MMP16: variants seen among roughly 807,000 people sequenced by gnomAD.
MMP16 encodes matrix metalloproteinase-16.
Under a neutral mutation model 67.8 loss-of-function variants are expected in MMP16, and 12 were observed. That is an observed-to-expected ratio of 0.18 (90% CI 0.11 to 0.29). MMP16 has a LOEUF of 0.29. Among genes scored for constraint, MMP16 ranks in the 10% least tolerant of loss-of-function variants. The probability of loss-of-function intolerance (pLI) is 1.00; values close to 1 mark genes in which losing one functional copy is unlikely to be tolerated. For synonymous variants in MMP16, 249 were observed against 255.9 expected (o/e 0.97, Z 0.26); for missense variants, 475 against 765.7 (o/e 0.62, Z 4.48).
intron 1 of MMP16, among the ~76,000 whole-genome samples, chr8:88,205,328 A>G (rs1809409059): frequency 6.6e-6 from 1 of 152,140 alleles, no homozygotes; most frequent in African/African-American, 2.4e-5. Context: ...TGTATGCTGG[A>G]AAGCCTAGGA....
At chr8:88,298,436 T>A (rs1811044997) in intron 1 of MMP16, among the ~76,000 whole-genome samples, 1 of 152,140 alleles carries the variant, frequency 6.6e-6, no homozygotes, top group Non-Finnish European at 1.5e-5. Flanking sequence ...ATGGAAAACA[T>A]GTGGGATTGC....
At chr8:88,258,276 G>T (rs1255554144) in intron 1 of MMP16, among the ~76,000 whole-genome samples, 1 of 152,130 alleles carries the variant, frequency 6.6e-6, no homozygotes, top group Admixed American at 6.5e-5. Flanking sequence ...CAGCCTTCAA[G>T]AAGAAAGATG....
At chr8:88,285,138 T>G (rs553940051) in intron 1 of MMP16, among the ~76,000 whole-genome samples, 1 of 152,072 alleles carries the variant, frequency 6.6e-6, no homozygotes, top group Non-Finnish European at 1.5e-5. Flanking sequence ...GTTTTTGTTG[T>G]TGTTGTTGTT....
At chr8:88,157,745 G>A (rs200805119) in intron 4 of MMP16, among the ~76,000 whole-genome samples, 3 of 151,882 alleles carry the variant, frequency 2.0e-5, no homozygotes, top group South Asian at 4.1e-4. Flanking sequence ...ATAGGTATAC[G>A]TGTGCCATGT....
intron 1 of MMP16, among the ~76,000 whole-genome samples, chr8:88,283,888 C>T (rs1452654853): frequency 1.3e-5 from 2 of 152,186 alleles, no homozygotes; most frequent in East Asian, 3.9e-4. Flanking sequence ...CCCACATGGC[C>T]TGACCAATGC....
At chr8:88,142,689 A>C (rs1255249734) in intron 4 of MMP16, among the ~76,000 whole-genome samples, 4 of 152,132 alleles carry the variant, frequency 2.6e-5, no homozygotes, top group African/African-American at 9.7e-5. Flanking sequence ...CCAGGAAATA[A>C]ACTGTTTTAA....
intron 4 of MMP16, among the ~76,000 whole-genome samples, chr8:88,143,678 T>C (rs1484301602): frequency 6.6e-6 from 1 of 151,954 alleles, no homozygotes; most frequent in African/African-American, 2.4e-5. Flanking sequence ...GATAAGGGTC[T>C]TGAGGGACTG....
chr8:88,084,490 A>T (rs1280235206), intron 6 of MMP16, among the ~76,000 whole-genome samples: 1 of 151,822 alleles, frequency 6.6e-6, no homozygotes, highest in Non-Finnish European at 1.5e-5. Flanking sequence ...AAGAGGCTGG[A>T]AAAAAAAGAG....
At chr8:88,289,133 C>CAGAGAGAG (rs149638416) in intron 1 of MMP16, among the ~76,000 whole-genome samples, 1 of 149,030 alleles carries the variant, frequency 6.7e-6, no homozygotes, top group East Asian at 1.9e-4. Context: ...GAGACAGAGA[C>CAGAGAGAG]AGAGAGAGAG....
At chr8:88,299,768 ATTC>A (rs1270958442) in intron 1 of MMP16, among the ~76,000 whole-genome samples, 4 of 152,216 alleles carry the variant, frequency 2.6e-5, no homozygotes, top group African/African-American at 7.2e-5. Flanking sequence ...CTGCAAAATC[ATTC>A]TTCTTTAACC....
At chr8:88,224,004 A>G (rs536905293) in intron 1 of MMP16, among the ~76,000 whole-genome samples, 3 of 152,050 alleles carry the variant, frequency 2.0e-5, no homozygotes, top group Non-Finnish European at 4.4e-5. Flanking sequence ...TATGGAAGGA[A>G]AAGTCATGAG....
chr8:88,192,833 G>C lies in MMP16; in HGVS notation c.281+4325C>G, dbSNP rs1488525785. On this transcript the variant is annotated intron_variant, in intron 2 of 9. Transcript: ENST00000286614. Reference sequence around the variant, plus strand: ...TCAACCTTAAATAAATTTTAATTAAGTTAAATTTCTGTACAATGAGATATC... The same window carrying C: ...TCAACCTTAAATAAATTTTAATTAACTTAAATTTCTGTACAATGAGATATC... 2.6e-5 allele frequency among the ~76,000 whole-genome samples: 4 copies of C among 152,088 alleles called. No homozygotes were observed. The East Asian group carries it at 7.7e-4, about 29-fold the overall frequency.
rs1428256587 is a variant in MMP16 at position 88,040,505 on chromosome 8, A to T, written c.*956T>A. ...ATCCTTGTAAAATAACTGCCACTGT[A>T]ATCCACTTCAGAGACATACTGCTTC... On this transcript the variant is annotated 3_prime_UTR_variant, in exon 10 of 10. Coordinates refer to ENST00000286614, the MANE Select transcript of MMP16 (RefSeq NM_005941.5). The T allele has an allele frequency of 6.6e-6, 1 of 152,302 alleles. No individual in the cohort carries two copies. Among genetic ancestry groups the T allele is most frequent in the Non-Finnish European group, 1.5e-5 (1 of 68,040 alleles). 9.4% of individuals were successfully genotyped at this position (152,302 alleles called of 1,614,324 possible). A position where few individuals can be genotyped will look rare whatever the true frequency, so the allele number is the denominator to read the frequency against.
chr8:88,112,167 A>G (rs1809348131), intron 6 of MMP16, among the ~76,000 whole-genome samples: 1 of 150,390 alleles, frequency 6.6e-6, no homozygotes, highest in Admixed American at 6.7e-5. Context: ...AGAACTGGTC[A>G]GTAATGAAAG....
intron 1 of MMP16, among the ~76,000 whole-genome samples, chr8:88,269,453 T>G (rs1810530854): frequency 6.6e-6 from 1 of 152,066 alleles, no homozygotes; most frequent in East Asian, 1.9e-4. Flanking sequence ...CAGGGATGAA[T>G]TAAGGAGACA....
chr8:88,301,662 T>C (rs1353390137), intron 1 of MMP16, among the ~76,000 whole-genome samples: 2 of 152,204 alleles, frequency 1.3e-5, no homozygotes, highest in Non-Finnish European at 1.5e-5. Context: ...AACATGCTCT[T>C]ATTTAATAGT....
At chr8:88,045,779 G>C (rs1054730642) in intron 9 of MMP16, among the ~76,000 whole-genome samples, 2 of 151,972 alleles carry the variant, frequency 1.3e-5, no homozygotes, top group African/African-American at 4.8e-5. Flanking sequence ...AGATGCACTT[G>C]TTTGTCTTGC....
intron 1 of MMP16, among the ~76,000 whole-genome samples, chr8:88,313,723 T>C (rs1442810011): frequency 1.3e-5 from 2 of 152,146 alleles, no homozygotes; most frequent in African/African-American, 2.4e-5. Flanking sequence ...TACCCAAGAC[T>C]GGGCAATTTA....
intron 8 of MMP16, among the ~76,000 whole-genome samples, chr8:88,052,289 G>T (rs1808280595): frequency 6.6e-6 from 1 of 152,064 alleles, no homozygotes; most frequent in South Asian, 2.1e-4. Context: ...TCCAGATAAG[G>T]TGCTATCTGC....
Sources: gnomAD v4.1 joint callset for allele counts (sites outside exome capture counted in the v4.1 genomes callset) on GRCh38, gnomAD v4.1.1 for gene constraint, MANE v1.5 for transcripts, NCBI Gene and HGNC (gene_info 2026-07-23, HGNC 2026-07-21) for gene names.